The following MDGA2 variants were observed in gnomAD, a reference collection of about 807,000 sequenced individuals.
MDGA2 encodes MAM domain containing glycosylphosphatidylinositol anchor 2.
A neutral mutation model predicts 117.8 loss-of-function variants in MDGA2; 40 were observed. The ratio of observed to expected loss-of-function variants is 0.34; its 90% CI spans 0.26 to 0.44. MDGA2 has a LOEUF of 0.44. Among genes scored for constraint, MDGA2 ranks in the 20% least tolerant of loss-of-function variants. MDGA2 has a pLI of 1.00. For synonymous variants in MDGA2, 452 were observed against 439.0 expected (o/e 1.03, Z -0.37); for missense variants, 1,123 against 1,250.6 (o/e 0.90, Z 1.54).
chr14:47,385,713 T>A (rs563105984), intron 1 of MDGA2, among the ~76,000 whole-genome samples: 1 of 152,166 alleles, frequency 6.6e-6, no homozygotes, highest in Non-Finnish European at 1.5e-5. Flanking sequence ...AGCAAAGAAG[T>A]CACACATTTG....
chr14:47,386,592 G>GTTCAT (rs1891765026), intron 1 of MDGA2, among the ~76,000 whole-genome samples: 1 of 152,166 alleles, frequency 6.6e-6, no homozygotes, highest in Non-Finnish European at 1.5e-5. Context: ...TAGTTAAGAA[G>GTTCAT]AAGAGTGAAA....
chr14:46,907,392 T>C (rs1408913144), intron 10 of MDGA2, among the ~76,000 whole-genome samples: 1 of 152,190 alleles, frequency 6.6e-6, no homozygotes, highest in Non-Finnish European at 1.5e-5. Context: ...CTGATCTAAT[T>C]TGCAAAATGC....
At chr14:47,126,943 A>G (rs978682132) in intron 5 of MDGA2, among the ~76,000 whole-genome samples, 2 of 152,106 alleles carry the variant, frequency 1.3e-5, no homozygotes, top group African/African-American at 2.4e-5. Flanking sequence ...ACTGACTGCA[A>G]TTAAAAAGTT....
At chr14:47,536,838 ATAGT>A (rs1270179098) in intron 1 of MDGA2, among the ~76,000 whole-genome samples, 1 of 152,244 alleles carries the variant, frequency 6.6e-6, no homozygotes, top group African/African-American at 2.4e-5. Context: ...TAAATAACCA[ATAGT>A]TTTAATAGCT....
Position 46,959,251 on chromosome 14 carries a change from ATGTGTGTGTGTGTGTGTG to A in MDGA2, c.1820-1626_1820-1609del, listed in dbSNP as rs3985119. Among the ~76,000 whole-genome samples, 783 of 140,236 alleles carry A rather than the reference ATGTGTGTGTGTGTGTGTG, an allele frequency of 5.6e-3. 16 individuals are homozygous for A. Among genetic ancestry groups the A allele is most frequent in the African/African-American group, 0.018 (689 of 39,186 alleles). 92.0% of individuals were successfully genotyped at this position (140,236 alleles called of 152,430 possible). On this transcript the variant is annotated intron_variant, in intron 8 of 16. Transcript: ENST00000399232. ...TCTTTTATCTCCAGCAATGCTATAT[ATGTGTGTGTGTGTGTGTG>A]TGTGTGTGTGTGTGTGTGTGTGTGT...
chr14:47,449,162 C>A (rs1893188201), intron 1 of MDGA2, among the ~76,000 whole-genome samples: 1 of 152,264 alleles, frequency 6.6e-6, no homozygotes, highest in African/African-American at 2.4e-5. Flanking sequence ...CAGCACCATT[C>A]CTAAAAATGT....
At chr14:46,849,990 C>T (rs540821183) in intron 15 of MDGA2, among the ~76,000 whole-genome samples, 3 of 151,886 alleles carry the variant, frequency 2.0e-5, no homozygotes, top group Middle Eastern at 3.4e-3. Flanking sequence ...CTGTTCCTCC[C>T]GCACAATAGC....
intron 1 of MDGA2, among the ~76,000 whole-genome samples, chr14:47,335,661 T>C (rs1368260765): frequency 4.7e-5 from 7 of 149,726 alleles, no homozygotes; most frequent in Non-Finnish European, 5.9e-5. Flanking sequence ...TAAATACATA[T>C]AGGTGTGTAC....
chr14:46,964,267 A>G (rs1474681626), intron 8 of MDGA2, among the ~76,000 whole-genome samples: 1 of 152,204 alleles, frequency 6.6e-6, no homozygotes, highest in Non-Finnish European at 1.5e-5. Context: ...AGACCAGATC[A>G]GCTATCCACT....
intron 10 of MDGA2, among the ~76,000 whole-genome samples, chr14:46,919,599 C>A (rs1000441950): frequency 2.6e-5 from 4 of 152,058 alleles, no homozygotes; most frequent in African/African-American, 9.7e-5. Flanking sequence ...GTCTTGAACC[C>A]CTAAAGCAAA....
At chr14:47,463,940 A>G (rs900085674) in intron 1 of MDGA2, among the ~76,000 whole-genome samples, 2 of 152,158 alleles carry the variant, frequency 1.3e-5, no homozygotes, top group Admixed American at 1.3e-4. Flanking sequence ...TCATCACAGT[A>G]TAATTAATGG....
Position 47,072,104 on chromosome 14 carries a change from G to GTT in MDGA2, c.1196-10527_1196-10526insAA. ...AAGTTTGTTGGTTGTTGTTGTTTGG[G>GTT]GGGGGGGGGGTTTGCAGGTATTATA... On this transcript the variant is annotated intron_variant, in intron 6 of 16. Transcript: ENST00000399232. Among the ~76,000 whole-genome samples, 2 of 114,758 alleles carry GTT rather than the reference G, an allele frequency of 1.7e-5. 1 individual carries two copies. The highest frequency in any genetic ancestry group is 3.8e-5 in the Non-Finnish European group (2 of 52,122). The allele number at this position is 114,758 out of a possible 152,430, so 75.3% of individuals were successfully genotyped here. A position where few individuals can be genotyped will look rare whatever the true frequency, so the allele number is the denominator to read the frequency against.
intron 8 of MDGA2, among the ~76,000 whole-genome samples, chr14:46,995,286 T>C (rs1887246110): frequency 1.3e-5 from 2 of 152,156 alleles, no homozygotes. Context: ...TCCTAATTCA[T>C]GCTATCCCAA....
intron 9 of MDGA2, among the ~76,000 whole-genome samples, chr14:46,930,387 C>A (rs969715452): frequency 3.3e-5 from 5 of 151,854 alleles, no homozygotes; most frequent in Non-Finnish European, 7.4e-5. Flanking sequence ...TTTTGGTATT[C>A]TATGCATTAT....
intron 8 of MDGA2, among the ~76,000 whole-genome samples, chr14:46,964,029 G>A (rs955937969): frequency 6.6e-6 from 1 of 152,180 alleles, no homozygotes; most frequent in African/African-American, 2.4e-5. Context: ...AAGTGATGCT[G>A]TGCCAATTTC....
intron 2 of MDGA2, among the ~76,000 whole-genome samples, chr14:47,298,971 C>A (rs983247981): frequency 2.0e-5 from 3 of 152,092 alleles, no homozygotes; most frequent in African/African-American, 7.2e-5. Flanking sequence ...CAGGCGTGAG[C>A]CACCGCGCCC....
intron 10 of MDGA2, among the ~76,000 whole-genome samples, chr14:46,899,739 A>C (rs1480205123): frequency 6.6e-6 from 1 of 152,260 alleles, no homozygotes; most frequent in Non-Finnish European, 1.5e-5. Flanking sequence ...TTGGCAAAAT[A>C]TAGCTTTAAA....
chr14:47,675,421 G>C lies in MDGA2; in HGVS notation c.-625C>G, dbSNP rs1898166636. 6.6e-6 allele frequency among the ~76,000 whole-genome samples: 1 copy of C among 151,906 alleles called. No homozygotes were observed. Among genetic ancestry groups the C allele is most frequent in the Non-Finnish European group, 1.5e-5 (1 of 67,958 alleles). On this transcript the variant is annotated 5_prime_UTR_variant, in exon 1 of 17. Coordinates refer to ENST00000399232, the MANE Select transcript of MDGA2 (RefSeq NM_001113498.3). ...AGGAGGGGGAAGAAGGAGGAGGAAAGGGTCCAACAGGGAGCGGAGTGTGCG... is the reference window on the plus strand; with the variant it reads ...AGGAGGGGGAAGAAGGAGGAGGAAACGGTCCAACAGGGAGCGGAGTGTGCG...
Position 46,935,114 on chromosome 14 carries a change from G to A in MDGA2, c.2090-14954C>T, listed in dbSNP as rs576263826. 8.5e-5 allele frequency among the ~76,000 whole-genome samples: 13 copies of A among 152,184 alleles called. No individual in the cohort carries two copies. In the South Asian group the frequency reaches 2.7e-3, roughly 32 times the overall value. On this transcript the variant is annotated intron_variant, in intron 9 of 16. Transcript: ENST00000399232. ...AAACAACTGTAGAGTATGTGAATTG[G>A]TGGCATGGAGAGCACAGATATTATC...
Sources: gnomAD v4.1 joint callset for allele counts (sites outside exome capture counted in the v4.1 genomes callset) on GRCh38, gnomAD v4.1.1 for gene constraint, MANE v1.5 for transcripts, NCBI Gene and HGNC (gene_info 2026-07-23, HGNC 2026-07-21) for gene names.